The following CELF4 variants were observed in gnomAD, a reference collection of about 807,000 sequenced individuals.
The protein encoded by CELF4 is CUGBP Elav-like family member 4, also known as CUG-BP- and ETR-3-like factor 4.
CELF4 carries 18 observed loss-of-function variants against 59.9 expected under a neutral mutation model. That is an observed-to-expected ratio of 0.30 (90% CI 0.21 to 0.45). CELF4 has a LOEUF of 0.45. Among genes scored for constraint, CELF4 ranks in the 20% least tolerant of loss-of-function variants. CELF4 has a pLI of 1.00. For synonymous variants in CELF4, 261 were observed against 267.1 expected (o/e 0.98, Z 0.22); for missense variants, 456 against 689.0 (o/e 0.66, Z 3.79).
At chr18:37,500,915 G>A (rs1275781379) in intron 1 of CELF4, among the ~76,000 whole-genome samples, 1 of 152,196 alleles carries the variant, frequency 6.6e-6, no homozygotes, top group Non-Finnish European at 1.5e-5. Context: ...CGTAGGGTGA[G>A]GTGGATAGAA....
At chr18:37,451,691 C>T (rs889428131) in intron 2 of CELF4, among the ~76,000 whole-genome samples, 3 of 152,140 alleles carry the variant, frequency 2.0e-5, no homozygotes, top group Non-Finnish European at 2.9e-5. Flanking sequence ...GGAGGGCAGT[C>T]GTACTTAGCA....
intron 1 of CELF4, among the ~76,000 whole-genome samples, chr18:37,539,390 G>A (rs2099976008): frequency 6.6e-6 from 1 of 152,072 alleles, no homozygotes; most frequent in Non-Finnish European, 1.5e-5. Flanking sequence ...TCTTGTTCCT[G>A]ACATTCCTTC....
chr18:37,504,398 G>A (rs1247869608), intron 1 of CELF4, among the ~76,000 whole-genome samples: 1 of 148,820 alleles, frequency 6.7e-6, no homozygotes, highest in Admixed American at 6.8e-5. Context: ...AGGTTGCAGT[G>A]AGCCGAGATC....
chr18:37,347,555 A>G (rs1415812852), intron 2 of CELF4, among the ~76,000 whole-genome samples: 1 of 152,130 alleles, frequency 6.6e-6, no homozygotes, highest in Admixed American at 6.5e-5. Context: ...CGTCACCTGC[A>G]TGAAGGACCC....
rs554426055 is a variant in CELF4 at position 37,466,359 on chromosome 18, G to A, written c.369+19166C>T. ...CCAGATGGTGTTTAGTGAAGTGACA[G>A]TTTGATGCCTAAAAGGAAAAATGGA... On this transcript the variant is annotated intron_variant, in intron 2 of 12. Transcript: ENST00000420428. Among the ~76,000 whole-genome samples, 5 of 141,832 alleles carry A rather than the reference G, an allele frequency of 3.5e-5. No individual in the cohort carries two copies. The East Asian group carries it at 1.2e-3, about 34-fold the overall frequency. 93.0% of individuals were successfully genotyped at this position (141,832 alleles called of 152,430 possible). A position where few individuals can be genotyped will look rare whatever the true frequency, so the allele number is the denominator to read the frequency against.
chr18:37,358,928 C>G (rs2098653078), intron 2 of CELF4, among the ~76,000 whole-genome samples: 1 of 152,042 alleles, frequency 6.6e-6, no homozygotes. Flanking sequence ...ATGGTGAAAC[C>G]CCATCTCTAC....
intron 2 of CELF4, among the ~76,000 whole-genome samples, chr18:37,468,086 A>G (rs2099813139): frequency 6.6e-6 from 1 of 152,176 alleles, no homozygotes; most frequent in African/African-American, 2.4e-5. Context: ...TTGCAAGTAC[A>G]ATTTTATCCA....
chr18:37,544,317 G>A (rs954673760), intron 1 of CELF4, among the ~76,000 whole-genome samples: 1 of 152,170 alleles, frequency 6.6e-6, no homozygotes, highest in Non-Finnish European at 1.5e-5. Context: ...GATTGAGGCC[G>A]ACCAGTAGGT....
At chr18:37,509,810 A>G (rs1414460684) in intron 1 of CELF4, among the ~76,000 whole-genome samples, 3 of 152,266 alleles carry the variant, frequency 2.0e-5, no homozygotes, top group African/African-American at 7.2e-5. Flanking sequence ...TATCCATTCA[A>G]TGGAATATTA....
chr18:37,321,570 T>C (rs2097119420), intron 3 of CELF4, among the ~76,000 whole-genome samples: 1 of 152,224 alleles, frequency 6.6e-6, no homozygotes, highest in South Asian at 2.1e-4. Flanking sequence ...ACTTGTTTAC[T>C]CAGAGACGCA....
At chr18:37,552,474 T>A (rs2099983539) in intron 1 of CELF4, among the ~76,000 whole-genome samples, 1 of 152,196 alleles carries the variant, frequency 6.6e-6, no homozygotes, top group South Asian at 2.1e-4. Context: ...CAACGGCAGT[T>A]GGTTCAGTGA....
intron 2 of CELF4, among the ~76,000 whole-genome samples, chr18:37,337,411 G>A (rs902318096): frequency 8.5e-5 from 13 of 152,274 alleles, no homozygotes; most frequent in African/African-American, 1.2e-4. Flanking sequence ...CCAGAGACCC[G>A]GCTCTCTAGC....
intron 9 of CELF4, 108 bp downstream of exon 9, chr18:37,266,424 TC>T: frequency 8.9e-7 from 1 of 1,123,570 alleles, no homozygotes; most frequent in Non-Finnish European, 1.3e-6. Flanking sequence ...CCACTCTCTC[TC>T]CCCACCCCAT....
chr18:37,409,625 G>A lies in CELF4; in HGVS notation c.369+75900C>T, dbSNP rs139742683. ...GTGGGGGGCTGCATCAGGGAAGGGA[G>A]TGTCCAGAGTGAGGGAGACCCTGGC... is the stretch of plus-strand genomic sequence containing the variant. On this transcript the variant is annotated intron_variant, in intron 2 of 12. Transcript: ENST00000420428. Among the ~76,000 whole-genome samples, 1,171 of 152,250 alleles carry A rather than the reference G, an allele frequency of 7.7e-3. 19 individuals carry two copies. Among genetic ancestry groups the A allele is most frequent in the Non-Finnish European group, 7.3e-3 (499 of 68,032 alleles).
intron 2 of CELF4, among the ~76,000 whole-genome samples, chr18:37,454,408 C>T (rs2099772417): frequency 6.6e-6 from 1 of 152,160 alleles, no homozygotes; most frequent in African/African-American, 2.4e-5. Context: ...CTCCAGTGAC[C>T]CTCTCTTGCT....
chr18:37,447,545 C>A (rs1448650645), intron 2 of CELF4, among the ~76,000 whole-genome samples: 1 of 152,156 alleles, frequency 6.6e-6, no homozygotes. Flanking sequence ...GTTTTTCTTT[C>A]TCTGTGCAGG....
intron 1 of CELF4, among the ~76,000 whole-genome samples, chr18:37,512,857 TCTC>T (rs1381156403): frequency 2.6e-5 from 4 of 151,674 alleles, no homozygotes; most frequent in East Asian, 3.9e-4. Context: ...CTTTCTTCTC[TCTC>T]CTCCTCCTCC....
chr18:37,497,567 G>A (rs1015158632), intron 1 of CELF4, among the ~76,000 whole-genome samples: 4 of 151,604 alleles, frequency 2.6e-5, no homozygotes, highest in Admixed American at 1.3e-4. Context: ...CAGGAGAGGC[G>A]CTTGAACCCG....
Position 37,266,613 on chromosome 18 carries a change from G to A in CELF4, c.1100-15C>T. The A allele has an allele frequency of 6.3e-7, 1 of 1,575,348 alleles. No homozygotes were observed. ...GGGGCTCTGTGCTGTAGGGAGCCAA[G>A]GGGACAGAGGTCAGCAGTGCCCACC... On this transcript the variant is annotated splice_polypyrimidine_tract_variant and intron_variant, in intron 8 of 12. Transcript: ENST00000420428.
Sources: allele counts gnomAD v4.1 joint callset (sites outside exome capture counted in the v4.1 genomes callset), GRCh38; gene constraint gnomAD v4.1.1; transcripts MANE v1.5; gene names NCBI Gene and HGNC (gene_info 2026-07-23, HGNC 2026-07-21).